The following TRPS1 variants were observed in gnomAD, a reference collection of about 807,000 sequenced individuals.
The protein encoded by TRPS1 is zinc finger transcription factor Trps1.
TRPS1 carries 6 observed loss-of-function variants against 101.2 expected under a neutral mutation model. The ratio of observed to expected loss-of-function variants is 0.06; its 90% confidence interval spans 0.03 to 0.12. The LOEUF (loss-of-function observed/expected upper bound fraction) is 0.12, where lower values mean the gene tolerates loss of function less well. TRPS1 is among the 10% of genes least tolerant of loss of function. The pLI is 1.00. For synonymous variants in TRPS1, 578 were observed against 589.8 expected (o/e 0.98, Z 0.29); for missense variants, 1,363 against 1,567.0 (o/e 0.87, Z 2.20).
At chr8:115,569,731 A>T (rs1469001217) in intron 5 of TRPS1, among the ~76,000 whole-genome samples, 1 of 152,122 alleles carries the variant, frequency 6.6e-6, no homozygotes, top group Non-Finnish European at 1.5e-5. Context: ...TGAGCCCAGT[A>T]TCTAATATTC....
intron 1 of TRPS1, among the ~76,000 whole-genome samples, chr8:115,626,422 T>C (rs2737224): frequency 6.6e-6 from 1 of 151,844 alleles, no homozygotes; most frequent in Non-Finnish European, 1.5e-5. Context: ...GGAGTTTAGA[T>C]GTTTTCTATT....
At chr8:115,642,317 T>TA (rs112393303) in intron 1 of TRPS1, among the ~76,000 whole-genome samples, 151,805 of 151,808 alleles carry the variant, frequency 1, 75,901 homozygotes, top group Middle Eastern at 1. Flanking sequence ...CCGATATGAA[T>TA]CCAACAGAAA....
intron 5 of TRPS1, among the ~76,000 whole-genome samples, chr8:115,571,093 C>A (rs531266703): frequency 7.2e-5 from 11 of 152,252 alleles, no homozygotes; most frequent in Non-Finnish European, 1.3e-4. Context: ...GCTATTATGA[C>A]ACAAGTGCAG....
At chr8:115,491,084 C>A (rs1298259892) in intron 5 of TRPS1, among the ~76,000 whole-genome samples, 1 of 152,192 alleles carries the variant, frequency 6.6e-6, no homozygotes, top group Non-Finnish European at 1.5e-5. Context: ...TACTCCCCTT[C>A]TGAGGTGCTA....
Position 115,535,276 on chromosome 8 carries a change from C to CAT in TRPS1, c.2700+51723_2700+51724dup, listed in dbSNP as rs767946298. Among the ~76,000 whole-genome samples, 360 of 111,094 alleles carry CAT rather than the reference C, an allele frequency of 3.2e-3. 21 individuals are homozygous for CAT. Among genetic ancestry groups the CAT allele is most frequent in the African/African-American group, 7.8e-3 (229 of 29,356 alleles). 72.9% of individuals were successfully genotyped at this position (111,094 alleles called of 152,430 possible). Reference sequence around the variant, plus strand: ...TAGCATATATATAGCATATATATAGCATATATAGCATATATATAGCATATA... The same window carrying CAT: ...TAGCATATATATAGCATATATATAGCATATATATAGCATATATATAGCATATA... On this transcript the variant is annotated intron_variant, in intron 5 of 6. Coordinates refer to ENST00000395715, the MANE Select transcript of TRPS1 (RefSeq NM_014112.5).
In TRPS1 at chr8:115,414,033, G is replaced by A; in HGVS notation, c.3875C>T (p.Pro1292Leu). The A allele has an allele frequency of 6.2e-7, 1 of 1,613,522 alleles. No homozygotes were observed. The highest frequency in any genetic ancestry group is 8.5e-7 in the Non-Finnish European group (1 of 1,179,734). The stretch of plus-strand genomic sequence containing the variant: ...CTAAGTGCTAAGGTTTTACTCTTTA[G>A]GTTTTCCATTTTTTTCCACTTGTGC... ...NNAQVEKNGK[P>L]KE Residue 1292 changes from proline to leucine, a missense_variant, in exon 7 of 7, where the codon CCT becomes CTT. Coordinates refer to ENST00000395715, the MANE Select transcript of TRPS1 (RefSeq NM_014112.5). This position sits in a 1 kb window ranked among gnomAD's most constrained non-coding sequence, Gnocchi z 4.8.
intron 5 of TRPS1, among the ~76,000 whole-genome samples, chr8:115,496,028 C>CA (rs141763404): frequency 5.9e-5 from 9 of 152,222 alleles, no homozygotes; most frequent in Non-Finnish European, 1.2e-4. Flanking sequence ...AGAACCCCCT[C>CA]AATTCCCCCT....
chr8:115,514,994 A>G (rs1422146074), intron 5 of TRPS1, among the ~76,000 whole-genome samples: 1 of 151,676 alleles, frequency 6.6e-6, no homozygotes, highest in Non-Finnish European at 1.5e-5. Flanking sequence ...ACCTAAGACT[A>G]GAAAGGAACC....
rs1456519231 is a variant in TRPS1 at position 115,668,754 on chromosome 8, A to C, written c.-331T>G. On this transcript the variant is annotated 5_prime_UTR_variant, in exon 1 of 7. It adds an upstream start codon to the 5' untranslated region. Coordinates refer to ENST00000395715, the MANE Select transcript of TRPS1 (RefSeq NM_014112.5). ...GAGAGAGAGAGAGAAAGAGAAAGGAAATAGAGCAAGGATGTGCCCGGTGCC... is the reference window on the plus strand; with the variant it reads ...GAGAGAGAGAGAGAAAGAGAAAGGACATAGAGCAAGGATGTGCCCGGTGCC... The C allele has an allele frequency of 6.7e-6, 1 of 148,396 alleles. No individual in the cohort carries two copies. The highest frequency in any genetic ancestry group is 2.5e-5 in the African/African-American group (1 of 40,190). 9.2% of individuals were successfully genotyped at this position (148,396 alleles called of 1,614,324 possible). A position where few individuals can be genotyped will look rare whatever the true frequency, so the allele number is the denominator to read the frequency against.
chr8:115,661,727 G>A (rs1480080154), intron 1 of TRPS1: 1 of 151,254 alleles, frequency 6.6e-6, no homozygotes, highest in Non-Finnish European at 1.5e-5. Context: ...AAGGGGAGGG[G>A]AGCATATGCG....
Position 115,478,274 on chromosome 8 carries a change from T to C in TRPS1, c.2701-59822A>G, listed in dbSNP as rs78420901. Among the ~76,000 whole-genome samples the C allele has an allele frequency of 2.6e-5, 4 of 152,348 alleles. No homozygotes were observed. In the South Asian group the frequency reaches 8.3e-4, roughly 32 times the overall value. On this transcript the variant is annotated intron_variant, in intron 5 of 6. Coordinates refer to ENST00000395715, the MANE Select transcript of TRPS1 (RefSeq NM_014112.5). ...CTCAATAGTGATGTTGAAATTCACA[T>C]AATATGCTTATCGGAGATACGTATT... is the stretch of plus-strand genomic sequence containing the variant.
At chr8:115,453,400 C>T (rs943293482) in intron 5 of TRPS1, among the ~76,000 whole-genome samples, 13 of 152,154 alleles carry the variant, frequency 8.5e-5, no homozygotes, top group Non-Finnish European at 1.3e-4. Flanking sequence ...ATCATGCAAA[C>T]AAAATTCTGT....
chr8:115,431,665 C>T (rs1398066959), intron 5 of TRPS1, among the ~76,000 whole-genome samples: 1 of 151,846 alleles, frequency 6.6e-6, no homozygotes, highest in Middle Eastern at 3.2e-3. Context: ...AGATCACATT[C>T]CCTCATGCAT....
At chr8:115,520,163 C>A (rs532366671) in intron 5 of TRPS1, among the ~76,000 whole-genome samples, 8 of 151,644 alleles carry the variant, frequency 5.3e-5, no homozygotes, top group Admixed American at 1.3e-4. Context: ...TTGTGATTGG[C>A]AGTTTTAATT....
chr8:115,446,777 C>T (rs1813748521), intron 5 of TRPS1, among the ~76,000 whole-genome samples: 3 of 152,144 alleles, frequency 2.0e-5, no homozygotes, highest in Non-Finnish European at 4.4e-5. Context: ...CTGACTTATA[C>T]ATTGGGCATT....
chr8:115,470,728 G>C (rs1051471913), intron 5 of TRPS1, among the ~76,000 whole-genome samples: 2 of 152,072 alleles, frequency 1.3e-5, no homozygotes, highest in East Asian at 3.9e-4. Context: ...TGGATAAAGG[G>C]GGCTGCAAAA....
intron 1 of TRPS1, among the ~76,000 whole-genome samples, chr8:115,634,673 T>G (rs888342466): frequency 6.6e-6 from 1 of 152,114 alleles, no homozygotes; most frequent in African/African-American, 2.4e-5. Flanking sequence ...AATACAATAC[T>G]GTTATTTAAA....
intron 1 of TRPS1, among the ~76,000 whole-genome samples, chr8:115,635,860 ATGT>A: frequency 6.6e-6 from 1 of 152,292 alleles, no homozygotes; most frequent in Non-Finnish European, 1.5e-5. Flanking sequence ...TAACACATAA[ATGT>A]TGTAGAAAAT....
chr8:115,550,223 T>A (rs1422030115), intron 5 of TRPS1, among the ~76,000 whole-genome samples: 2 of 152,102 alleles, frequency 1.3e-5, no homozygotes, highest in African/African-American at 4.8e-5. Flanking sequence ...CAAAAAAGAA[T>A]GATTTCTAAT....
Sources: gnomAD v4.1 joint callset for allele counts (sites outside exome capture counted in the v4.1 genomes callset) on GRCh38, gnomAD v4.1.1 for gene constraint, Gnocchi (gnomAD v3.1) non-coding constraint, MANE v1.5 for transcripts, NCBI Gene and HGNC (gene_info 2026-07-23, HGNC 2026-07-21) for gene names.